KAZN: variants seen among roughly 807,000 people sequenced by gnomAD.
The protein encoded by KAZN is kazrin.
Under a neutral mutation model 87.4 loss-of-function variants are expected in KAZN, and 40 were observed. The ratio of observed to expected loss-of-function variants is 0.46; its 90% CI spans 0.36 to 0.60. KAZN has a LOEUF of 0.60. Among genes scored for constraint, KAZN ranks in the 20% least tolerant of loss-of-function variants. The probability of loss-of-function intolerance (pLI) is 0.00; values close to 1 mark genes in which losing one functional copy is unlikely to be tolerated. For synonymous variants in KAZN, 466 were observed against 458.3 expected, an observed-to-expected ratio of 1.02 and a Z score of -0.22; for missense variants, 898 against 1,073.9, an observed-to-expected ratio of 0.84 and a Z score of 2.29.
intron 2 of KAZN, among the ~76,000 whole-genome samples, chr1:14,294,425 T>C (rs1409169521): frequency 6.6e-6 from 1 of 152,044 alleles, no homozygotes; most frequent in African/African-American, 2.4e-5. Flanking sequence ...GTACATGCCA[T>C]ATGCCAGGCA....
chr1:14,058,996 G>A (rs779978932), intron 1 of KAZN, among the ~76,000 whole-genome samples: 35 of 152,150 alleles, frequency 2.3e-4, no homozygotes, highest in African/African-American at 6.5e-4. Context: ...CTCAGAGGAC[G>A]GCTTTGTGAT....
At chr1:14,924,868 C>A (rs1210792966) in intron 1 of KAZN, among the ~76,000 whole-genome samples, 1 of 152,122 alleles carries the variant, frequency 6.6e-6, no homozygotes, top group African/African-American at 2.4e-5. Context: ...CTGGACCCCG[C>A]GTCTGCTGGG....
chr1:14,754,467 T>C (rs541692600), intron 1 of KAZN, among the ~76,000 whole-genome samples: 1 of 152,124 alleles, frequency 6.6e-6, no homozygotes, highest in East Asian at 1.9e-4. Context: ...ATCCTGTCTC[T>C]ACTAAAAAGA....
At chr1:14,730,390 CTT>C (rs774293821) in intron 1 of KAZN, among the ~76,000 whole-genome samples, 1 of 152,110 alleles carries the variant, frequency 6.6e-6, no homozygotes, top group African/African-American at 2.4e-5. Flanking sequence ...CCTAAAGTAT[CTT>C]TTTTATCATG....
At chr1:14,300,300 C>T (rs113398252) in intron 2 of KAZN, among the ~76,000 whole-genome samples, 9,430 of 151,980 alleles carry the variant, frequency 0.062, 575 homozygotes, top group African/African-American at 0.16. Flanking sequence ...TACATAATTA[C>T]GGCTCACTGC....
chr1:14,572,682 A>AG (rs1312445656), intron 2 of KAZN, among the ~76,000 whole-genome samples: 1 of 152,158 alleles, frequency 6.6e-6, no homozygotes, highest in African/African-American at 2.4e-5. Context: ...CAGAGCATGT[A>AG]GGGGCCTTTA....
At chr1:14,905,186 G>A (rs1449548634) in intron 1 of KAZN, among the ~76,000 whole-genome samples, 3 of 152,142 alleles carry the variant, frequency 2.0e-5, no homozygotes, top group Admixed American at 2.0e-4. Context: ...AGCCTCCTGA[G>A]TAGCTGGGAC....
At chr1:14,300,536 G>A (rs149484198) in intron 2 of KAZN, among the ~76,000 whole-genome samples, 14 of 152,206 alleles carry the variant, frequency 9.2e-5, no homozygotes, top group Middle Eastern at 3.4e-3. Context: ...GTGCTCAGCC[G>A]GATTTTAGGC....
chr1:14,973,683 C>T (rs1665320674), intron 2 of KAZN, among the ~76,000 whole-genome samples: 1 of 151,822 alleles, frequency 6.6e-6, no homozygotes, highest in South Asian at 2.1e-4. Flanking sequence ...CATGCCTGGG[C>T]ATTTAACAAA....
chr1:13,945,298 AC>A (rs34970535), intron 1 of KAZN, among the ~76,000 whole-genome samples: 21,054 of 151,648 alleles, frequency 0.14, 1,554 homozygotes, highest in Middle Eastern at 0.22. Flanking sequence ...ACATGGTGAA[AC>A]CCCCATCTCT....
intron 2 of KAZN, among the ~76,000 whole-genome samples, chr1:14,555,121 G>A (rs1673782734): frequency 6.6e-6 from 1 of 152,236 alleles, no homozygotes; most frequent in Non-Finnish European, 1.5e-5. Flanking sequence ...ACTTCACTGT[G>A]TCTTTACCCC....
intron 1 of KAZN, among the ~76,000 whole-genome samples, chr1:13,911,080 G>A (rs1041476390): frequency 7.9e-5 from 12 of 151,994 alleles, no homozygotes; most frequent in Non-Finnish European, 1.8e-4. Context: ...ATGGAGTCTC[G>A]CTCTGTCACC....
chr1:14,557,126 G>T (rs774887360), intron 2 of KAZN, among the ~76,000 whole-genome samples: 1 of 152,060 alleles, frequency 6.6e-6, no homozygotes, highest in African/African-American at 2.4e-5. Flanking sequence ...CAGAAATAAC[G>T]TGGGCAAATA....
At chr1:14,365,557 C>T (rs146021555) in intron 2 of KAZN, among the ~76,000 whole-genome samples, 4 of 152,296 alleles carry the variant, frequency 2.6e-5, no homozygotes, top group East Asian at 3.9e-4. Flanking sequence ...CTCATAACTG[C>T]AAAGTTTTGC....
intron 1 of KAZN, among the ~76,000 whole-genome samples, chr1:14,120,661 G>A (rs1570785486): frequency 6.6e-6 from 1 of 152,148 alleles, no homozygotes; most frequent in Admixed American, 6.5e-5. Flanking sequence ...ACCTAAAGGA[G>A]GTAGGGAGGG....
intron 2 of KAZN, among the ~76,000 whole-genome samples, chr1:14,400,698 T>C (rs1663325205): frequency 6.6e-6 from 1 of 152,174 alleles, no homozygotes; most frequent in Non-Finnish European, 1.5e-5. Context: ...CAACCCTCAA[T>C]AACCATTGTT....
intron 2 of KAZN, among the ~76,000 whole-genome samples, chr1:14,285,499 C>T (rs574358158): frequency 1.3e-5 from 2 of 152,272 alleles, no homozygotes; most frequent in South Asian, 2.1e-4. Flanking sequence ...GCATGTGGAT[C>T]CAATGTCCCT....
chr1:14,883,374 A>AG (rs1491116921), intron 1 of KAZN, among the ~76,000 whole-genome samples: 4 of 99,840 alleles, frequency 4.0e-5, no homozygotes, highest in South Asian at 4.2e-4. Context: ...AAAGAAAGAA[A>AG]GAAAGAAAGA....
At chr1:13,954,088 T>C (rs1434046658) in intron 1 of KAZN, among the ~76,000 whole-genome samples, 2 of 152,086 alleles carry the variant, frequency 1.3e-5, no homozygotes, top group African/African-American at 2.4e-5. Context: ...GGCTGAGCAA[T>C]ACACGAACAA....
Sources: allele counts gnomAD v4.1 joint callset (sites outside exome capture counted in the v4.1 genomes callset), GRCh38; gene constraint gnomAD v4.1.1; transcripts MANE v1.5; gene names NCBI Gene and HGNC (gene_info 2026-07-23, HGNC 2026-07-21).